The following MICAL3 variants were observed in gnomAD, a reference collection of about 807,000 sequenced individuals.
MICAL3 encodes the protein [F-actin]-monooxygenase MICAL3.
Under a neutral mutation model 207.4 loss-of-function variants are expected in MICAL3, and 62 were observed. The observed-to-expected ratio is 0.30, with a 90% CI of 0.24 to 0.37. MICAL3 has a LOEUF of 0.37. Ranked by LOEUF, MICAL3 falls within the 10% of genes least tolerant of loss-of-function variation. The pLI, the probability that MICAL3 is intolerant of heterozygous loss-of-function variation, is 1.00. For missense variants in MICAL3, 2,368 were observed against 2,635.6 expected (o/e 0.90, Z 2.22); for synonymous variants, 1,077 against 1,069.3 (o/e 1.01, Z -0.14).
At chr22:17,835,959 T>C (rs762963795) in intron 20 of MICAL3, among the ~76,000 whole-genome samples, 2 of 152,148 alleles carry the variant, frequency 1.3e-5, no homozygotes, top group Non-Finnish European at 2.9e-5. Context: ...ATGTCAGAGG[T>C]TGCACCCCGA....
intron 3 of MICAL3, among the ~76,000 whole-genome samples, chr22:17,903,043 G>A (rs1931447821): frequency 1.3e-5 from 2 of 152,210 alleles, no homozygotes; most frequent in African/African-American, 4.8e-5. Context: ...CCTACAGGAG[G>A]TTCCTTTCCA....
intron 19 of MICAL3, among the ~76,000 whole-genome samples, chr22:17,847,620 C>G (rs975683136): frequency 3.3e-5 from 5 of 152,076 alleles, no homozygotes; most frequent in African/African-American, 9.6e-5. Context: ...AGGGGCCGAC[C>G]GTGACCACCT....
chr22:17,961,414 A>G (rs1108372), intron 1 of MICAL3, among the ~76,000 whole-genome samples: 90,898 of 152,034 alleles, frequency 0.6, 27,911 homozygotes, highest in Middle Eastern at 0.77. Flanking sequence ...AGCCCCGGGC[A>G]ACAGACACCT....
At chr22:17,950,164 C>CTTTTTTTTTTTTTTTTTTTTTT (rs1201899565) in intron 1 of MICAL3, among the ~76,000 whole-genome samples, 1 of 132,924 alleles carries the variant, frequency 7.5e-6, no homozygotes, top group African/African-American at 3.4e-5. Flanking sequence ...GTACAGCTGT[C>CTTTTTTTTTTTTTTTTTTTTTT]TATTTTTTTT....
Position 17,885,958 on chromosome 22 carries a change from T to C in MICAL3, c.2161A>G (p.Lys721Glu), listed in dbSNP as rs1929832339. 1 of 1,613,902 alleles carries C rather than the reference T, an allele frequency of 6.2e-7. No individual in the cohort carries two copies. The highest frequency in any genetic ancestry group is 8.5e-7 in the Non-Finnish European group (1 of 1,179,890). ...RMDVAVGNQN[K>E]VKYMATQLLA... ...AGCTGGGTCGCCATGTACTTCACTT[T>C]GTTCTGGTTCCCAACGGCAACGTCC... Residue 721 changes from lysine (K) to glutamate (E), a missense_variant, in exon 16 of 32, where the codon AAA becomes GAA. Transcript: ENST00000441493.
intron 5 of MICAL3, 28 bp from the exon 6 acceptor site, chr22:17,901,025 A>C (rs765069054): frequency 6.2e-7 from 1 of 1,611,436 alleles, no homozygotes; most frequent in East Asian, 2.2e-5. Context: ...TTCAGAGGTG[A>C]TAATCATTGG....
intron 25 of MICAL3, among the ~76,000 whole-genome samples, chr22:17,819,975 A>G (rs1271591737): frequency 7.0e-6 from 1 of 143,622 alleles, no homozygotes; most frequent in Non-Finnish European, 1.5e-5. Context: ...AAAAAATCCA[A>G]TCAGTGAACA....
At chr22:17,899,644 G>A (rs1931156952) in intron 6 of MICAL3, 96 bp from the exon 7 acceptor site, 3 of 756,890 alleles carry the variant, frequency 4.0e-6, no homozygotes, top group East Asian at 5.4e-5. Context: ...CAGAGACAAG[G>A]GCCTGAGGCT....
At chr22:17,920,938 G>A (rs1932787084) in intron 1 of MICAL3, among the ~76,000 whole-genome samples, 1 of 152,174 alleles carries the variant, frequency 6.6e-6, no homozygotes, top group African/African-American at 2.4e-5. Flanking sequence ...AAAGGGAAAA[G>A]CCAAGCTGGG....
chr22:17,980,274 A>G (rs549736097), intron 1 of MICAL3, among the ~76,000 whole-genome samples: 9 of 152,326 alleles, frequency 5.9e-5, no homozygotes, highest in South Asian at 2.1e-4. Flanking sequence ...ATGGAGATAA[A>G]CTGGGAAATA....
intron 1 of MICAL3, among the ~76,000 whole-genome samples, chr22:18,011,818 G>A: frequency 6.6e-6 from 1 of 151,080 alleles, no homozygotes; most frequent in Non-Finnish European, 1.5e-5. Context: ...CGTGAACCTG[G>A]GAGGTGGAGC....
chr22:17,997,050 CT>C (rs71716810), intron 1 of MICAL3, among the ~76,000 whole-genome samples: 2,065 of 75,442 alleles, frequency 0.027, 17 homozygotes, highest in African/African-American at 0.098. Context: ...CCCATCTAGT[CT>C]TTTTTTTTTT....
In MICAL3 at chr22:17,871,831, T is replaced by C; in HGVS notation, c.2428+6A>G. 2 of 1,598,128 alleles carry C rather than the reference T, an allele frequency of 1.3e-6. No individual in the cohort carries two copies. The highest frequency in any genetic ancestry group is 1.7e-6 in the Non-Finnish European group (2 of 1,172,038). On this transcript the variant is annotated splice_donor_region_variant and intron_variant, in intron 17 of 31. Transcript: ENST00000441493. The stretch of plus-strand genomic sequence containing the variant: ...TCAGTGGGGCCGGAGGCGCAGGGTG[T>C]CTCACCATCCTCGATGTCGTAGGCG...
chr22:17,860,613 G>A lies in MICAL3; in HGVS notation c.2605+4286C>T, dbSNP rs538040176. 4 of 985,526 alleles carry A rather than the reference G, an allele frequency of 4.1e-6. No homozygotes were observed. The South Asian group carries it at 1.4e-4, about 35-fold the overall frequency. The allele number at this position is 985,526 out of a possible 1,614,324, so 61.0% of individuals were successfully genotyped here. On this transcript the variant is annotated intron_variant, in intron 19 of 31. Transcript: ENST00000441493. ...GCTGAAGATGCACTAACCACCAAAAGATAGGAGTGGGCTCAAACGGCTAAC... is the reference window on the plus strand; with the variant it reads ...GCTGAAGATGCACTAACCACCAAAAAATAGGAGTGGGCTCAAACGGCTAAC...
Position 17,900,708 on chromosome 22 carries a change from G to C in MICAL3, c.847+134C>G. 1.5e-6 allele frequency: 1 copy of C among 676,730 alleles called. No individual in the cohort carries two copies. Among genetic ancestry groups the C allele is most frequent in the Non-Finnish European group, 2.5e-6 (1 of 395,624 alleles). 41.9% of individuals were successfully genotyped at this position (676,730 alleles called of 1,614,324 possible). On this transcript the variant is annotated intron_variant, in intron 6 of 31. Transcript: ENST00000441493. This position sits in a 1 kb window ranked among gnomAD's most constrained non-coding sequence, Gnocchi z 4.0. ...GCAATGCGCTAGGAAGAAGGAACAG[G>C]AGTGAAAAGAGCAGGAGGGGCAGAC...
chr22:18,013,680 G>A (rs1923881842), intron 1 of MICAL3, among the ~76,000 whole-genome samples: 1 of 152,172 alleles, frequency 6.6e-6, no homozygotes, highest in Non-Finnish European at 1.5e-5. Context: ...AAACAGAAAT[G>A]CCTGTCCCTA....
In MICAL3 at chr22:17,796,652, C is replaced by T. The variant is rs570184363; in HGVS notation, c.5651-5351G>A. ...GCTCAAGGAAGAGCAGTCCCACAGA[C>T]CCTGATCAGAATGTCACACCTGGAA... On this transcript the variant is annotated intron_variant, in intron 29 of 31. Coordinates refer to ENST00000441493, the MANE Select transcript of MICAL3 (RefSeq NM_015241.3). The surrounding 1 kb of genome is among the most constrained non-coding windows in gnomAD (Gnocchi z 4.4). Among the ~76,000 whole-genome samples the T allele has an allele frequency of 6.6e-6, 1 of 152,336 alleles. No homozygotes were observed. Among genetic ancestry groups the T allele is most frequent in the East Asian group, 1.9e-4 (1 of 5,188 alleles).
At chr22:17,804,184 G>A (rs2061967325) in intron 29 of MICAL3, among the ~76,000 whole-genome samples, 1 of 152,160 alleles carries the variant, frequency 6.6e-6, no homozygotes. Context: ...TGGCTTTGCT[G>A]GGAACTCCTG....
At chr22:17,909,096 A>G (rs5992899) in intron 1 of MICAL3, among the ~76,000 whole-genome samples, 4,260 of 152,328 alleles carry the variant, frequency 0.028, 182 homozygotes, top group African/African-American at 0.092. Context: ...TCTCCACCTT[A>G]TATTTTCTAT....
Sources: allele counts gnomAD v4.1 joint callset (sites outside exome capture counted in the v4.1 genomes callset), GRCh38; gene constraint gnomAD v4.1.1; non-coding constraint Gnocchi (gnomAD v3.1); transcripts MANE v1.5; gene names NCBI Gene and HGNC (gene_info 2026-07-23, HGNC 2026-07-21).